RGL1: variants seen among roughly 807,000 people sequenced by gnomAD.
RGL1 encodes the protein ral guanine nucleotide dissociation stimulator like 1, also known as ral guanine nucleotide dissociation stimulator-like 1.
Under a neutral mutation model 95.2 loss-of-function variants are expected in RGL1, and 24 were observed. That is an observed-to-expected ratio of 0.25 (90% CI 0.18 to 0.35). RGL1 has a LOEUF of 0.35. Ranked by LOEUF, RGL1 falls within the 10% of genes least tolerant of loss-of-function variation. The pLI is 1.00. For missense variants in RGL1, 715 were observed against 936.3 expected (o/e 0.76, Z 3.08); for synonymous variants, 329 against 344.9 (o/e 0.95, Z 0.51).
chr1:183,875,548 A>G (rs1314935124), intron 4 of RGL1, among the ~76,000 whole-genome samples: 7 of 152,070 alleles, frequency 4.6e-5, no homozygotes, highest in Non-Finnish European at 1.0e-4. Context: ...TCTTCTAAGC[A>G]GGTGTTATTA....
intron 2 of RGL1, among the ~76,000 whole-genome samples, chr1:183,794,618 C>T (rs772954921): frequency 6.6e-6 from 1 of 152,184 alleles, no homozygotes; most frequent in Non-Finnish European, 1.5e-5. Context: ...TTTTAAAAAT[C>T]TGCCAACTGG....
intron 1 of RGL1, among the ~76,000 whole-genome samples, chr1:183,732,985 G>T (rs1230876044): frequency 1.3e-5 from 2 of 152,106 alleles, no homozygotes; most frequent in African/African-American, 2.4e-5. Flanking sequence ...TAATGCGAGG[G>T]TTTCATCCTT....
At chr1:183,688,179 A>G (rs1030582430) in intron 1 of RGL1, among the ~76,000 whole-genome samples, 1 of 152,294 alleles carries the variant, frequency 6.6e-6, no homozygotes, top group Middle Eastern at 3.4e-3. Context: ...CCATTCTAGT[A>G]TGAGGATCCA....
chr1:183,902,740 A>C, intron 12 of RGL1, 140 bp downstream of exon 12: 1 of 704,608 alleles, frequency 1.4e-6, no homozygotes, highest in Non-Finnish European at 2.4e-6. Flanking sequence ...TTTGCTTGGC[A>C]TTCTCCTATA....
chr1:183,881,888 A>T (rs543434205), intron 5 of RGL1, among the ~76,000 whole-genome samples: 24 of 152,320 alleles, frequency 1.6e-4, no homozygotes, highest in African/African-American at 5.5e-4. Flanking sequence ...CAGGGCCTCC[A>T]TGCCTGGCTT....
chr1:183,730,452 G>T (rs543783750), intron 1 of RGL1, among the ~76,000 whole-genome samples: 3 of 152,132 alleles, frequency 2.0e-5, no homozygotes, highest in Non-Finnish European at 4.4e-5. Flanking sequence ...GAGTGAGTGT[G>T]TTAGGTTGGC....
chr1:183,714,751 A>G (rs994145480), intron 1 of RGL1, among the ~76,000 whole-genome samples: 1 of 152,218 alleles, frequency 6.6e-6, no homozygotes, highest in Non-Finnish European at 1.5e-5. Context: ...GCTTAAGGCC[A>G]GAAAGAAGAG....
intron 7 of RGL1, 101 bp downstream of exon 7, chr1:183,885,039 A>C: frequency 9.9e-7 from 1 of 1,013,228 alleles, no homozygotes. Flanking sequence ...AAAGGCAGTC[A>C]AAAGACCATA....
intron 1 of RGL1, among the ~76,000 whole-genome samples, chr1:183,731,876 C>T (rs12726055): frequency 0.47 from 71,380 of 151,884 alleles, 17,639 homozygotes; most frequent in East Asian, 0.8. Context: ...TCTTCTCATA[C>T]GATTGTAGAC....
At position 183,916,427 on chromosome 1, in the gene RGL1, G is replaced by C; in HGVS notation, c.1750-20G>C. 1 of 1,612,328 alleles carries C rather than the reference G, an allele frequency of 6.2e-7. No individual in the cohort carries two copies. ...CAGCGTTCTAATCTGTTTTCTTCTG[G>C]GGTGTGTTTACTCTTCCAGCTCTCT... On this transcript the variant is annotated intron_variant, in intron 15 of 17. Transcript: ENST00000360851.
At chr1:183,915,414 T>G (rs145679825) in intron 15 of RGL1, among the ~76,000 whole-genome samples, 1 of 152,250 alleles carries the variant, frequency 6.6e-6, no homozygotes, top group African/African-American at 2.4e-5. Flanking sequence ...TTCCAATAAC[T>G]TCTTTCTTTG....
chr1:183,817,934 AGT>A (rs1662197314), intron 2 of RGL1, among the ~76,000 whole-genome samples: 1 of 152,194 alleles, frequency 6.6e-6, no homozygotes, highest in African/African-American at 2.4e-5. Context: ...TTCCCACAGA[AGT>A]GTTTCTCAGG....
intron 10 of RGL1, among the ~76,000 whole-genome samples, chr1:183,899,035 G>A (rs1293232709): frequency 6.6e-6 from 1 of 152,202 alleles, no homozygotes; most frequent in Non-Finnish European, 1.5e-5. Flanking sequence ...TGATTTTAAA[G>A]GAGATTTAGT....
At position 183,875,975 on chromosome 1, in the gene RGL1, C is replaced by T. The variant is rs576575139; in HGVS notation, c.426-4641C>T. 3.3e-5 allele frequency among the ~76,000 whole-genome samples: 5 copies of T among 151,884 alleles called. No homozygotes were observed. The East Asian group carries it at 7.8e-4, about 24-fold the overall frequency. On this transcript the variant is annotated intron_variant, in intron 4 of 17. Coordinates refer to ENST00000360851, the MANE Select transcript of RGL1 (RefSeq NM_001297671.3). ...GTTTAACAGATCTTTAAGTCCTCTACAAGTGTTTAGCTCTTTCACCGCAGA... is the reference window on the plus strand; with the variant it reads ...GTTTAACAGATCTTTAAGTCCTCTATAAGTGTTTAGCTCTTTCACCGCAGA...
chr1:183,756,783 AT>A (rs1658364527), intron 2 of RGL1, among the ~76,000 whole-genome samples: 1 of 152,196 alleles, frequency 6.6e-6, no homozygotes, highest in South Asian at 2.1e-4. Context: ...ATATTCCCAT[AT>A]TGATAGGTCA....
intron 2 of RGL1, among the ~76,000 whole-genome samples, chr1:183,764,192 T>C (rs1347819081): frequency 2.6e-5 from 4 of 152,202 alleles, no homozygotes; most frequent in Non-Finnish European, 5.9e-5. Context: ...ATCACTGAGA[T>C]AATGAGCATT....
chr1:183,817,031 T>C (rs1182975264), intron 2 of RGL1, among the ~76,000 whole-genome samples: 2 of 152,230 alleles, frequency 1.3e-5, no homozygotes, highest in African/African-American at 4.8e-5. Flanking sequence ...TCTTCTTTGA[T>C]TCTTCCTTTT....
chr1:183,880,744 A>G lies in RGL1; in HGVS notation c.554A>G (p.Glu185Gly), dbSNP rs1276114221. Residue 185 changes from glutamate (E) to glycine (G), a missense_variant, in exon 5 of 18, where the codon GAA becomes GGA. Around this residue, in one of 3 missense-constraint regions of RGL1, gnomAD observed 381 missense variants for 484.8 expected, o/e 0.79. Transcript: ENST00000360851. ...LTRMMPGSDP[E>G]RRAQNLLEQF... ...CGGATGATGCCGGGCTCTGACCCAG[A>G]AAGAAGAGCACAAAATCTTCTTGAG... is the stretch of plus-strand genomic sequence containing the variant. 4 of 1,613,842 alleles carry G rather than the reference A, an allele frequency of 2.5e-6. No individual in the cohort carries two copies. Among genetic ancestry groups the G allele is most frequent in the Non-Finnish European group, 3.4e-6 (4 of 1,179,846 alleles).
intron 1 of RGL1, among the ~76,000 whole-genome samples, chr1:183,726,809 A>T (rs992056375): frequency 6.6e-6 from 1 of 152,128 alleles, no homozygotes; most frequent in Non-Finnish European, 1.5e-5. Context: ...CTTCCATTAT[A>T]CTTACCAGTG....
Sources: allele counts gnomAD v4.1 joint callset (sites outside exome capture counted in the v4.1 genomes callset), GRCh38; gene constraint gnomAD v4.1.1; regional missense constraint gnomAD v4.1.1; transcripts MANE v1.5; gene names NCBI Gene and HGNC (gene_info 2026-07-23, HGNC 2026-07-21).